The following GUCY2D variants were observed in gnomAD, a reference collection of about 807,000 sequenced individuals.
The protein encoded by GUCY2D is retinal guanylyl cyclase 1.
A neutral mutation model predicts 101.3 loss-of-function variants in GUCY2D; 70 were observed. That is an observed-to-expected ratio of 0.69 (90% confidence interval 0.57 to 0.84). GUCY2D has a LOEUF of 0.84. Ranked by LOEUF, GUCY2D falls within the 40% of genes least tolerant of loss-of-function variation. The pLI is 0.00. For missense variants in GUCY2D, 1,460 were observed against 1,542.5 expected (o/e 0.95, Z 0.90); for synonymous variants, 688 against 670.7 (o/e 1.03, Z -0.40).
intron 10 of GUCY2D, 106 bp downstream of exon 10, chr17:8,012,712 A>G: frequency 2.2e-6 from 2 of 890,498 alleles, no homozygotes; most frequent in South Asian, 1.4e-5. Flanking sequence ...TTCATCCCAC[A>G]TCCACCAGAC....
At position 8,013,097 on chromosome 17, in the gene GUCY2D, C is replaced by T. The variant is rs1194476197; in HGVS notation, c.2114-6C>T. 1.2e-6 allele frequency: 2 copies of T among 1,611,044 alleles called. No homozygotes were observed. Among genetic ancestry groups the T allele is most frequent in the African/African-American group, 1.3e-5 (1 of 74,856 alleles). ...AGCGGCGCCTCAGCCCCTTCCCCAT[C>T]CCCAGACCAGCTGTGGACAGCCCCG... On this transcript the variant is annotated splice_region_variant and splice_polypyrimidine_tract_variant and intron_variant, in intron 10 of 19. Coordinates refer to ENST00000254854, the MANE Select transcript of GUCY2D (RefSeq NM_000180.4). The surrounding 1 kb of genome is among the most constrained non-coding windows in gnomAD (Gnocchi z 5.0).
chr17:8,015,190 C>A, intron 14 of GUCY2D, 138 bp from the exon 15 acceptor site: 1 of 1,066,898 alleles, frequency 9.4e-7, no homozygotes, highest in Admixed American at 2.0e-5. Flanking sequence ...ATTTATTCCT[C>A]CAGTCCCCAG....
Position 8,014,761 on chromosome 17 carries a change from CT to C in GUCY2D, c.2574del (p.Pro859ArgfsTer7). 6.2e-7 allele frequency: 1 copy of C among 1,603,278 alleles called. No individual in the cohort carries two copies. Among genetic ancestry groups the C allele is most frequent in the South Asian group, 1.1e-5 (1 of 90,862 alleles). On this transcript the variant is annotated frameshift_variant and splice_region_variant, in exon 13 of 20. Coordinates refer to ENST00000254854, the MANE Select transcript of GUCY2D (RefSeq NM_000180.4). LOFTEE classifies it high-confidence loss of function. The surrounding 1 kb of genome is among the most constrained non-coding windows in gnomAD (Gnocchi z 4.0). ...GACCGGCTGCTTACACAGATGCTGC[CT>C]CCGTGGGTGCCAGTGGGAAGGGGTG... ...KTDRLLTQML[P>X]PSVAEALKTG...
rs1598150910 is a variant in GUCY2D, at chr17:8,015,152, A to G, written c.2769+101A>G. The G allele has an allele frequency of 6.1e-6, 7 of 1,153,596 alleles. No homozygotes were observed. In the African/African-American group the frequency reaches 6.1e-5, roughly 10 times the overall value. 71.5% of individuals were successfully genotyped at this position (1,153,596 alleles called of 1,614,324 possible). ...AGCCCCTAGCCTACCTGCCCAATCA[A>G]TCTTCTTTCCCAGACCTCCTGTCCC... On this transcript the variant is annotated intron_variant, in intron 14 of 19. Coordinates refer to ENST00000254854, the MANE Select transcript of GUCY2D (RefSeq NM_000180.4).
At chr17:8,012,387 G>T (rs777997008) in intron 9 of GUCY2D, 37 bp downstream of exon 9, 2 of 1,606,802 alleles carry the variant, frequency 1.2e-6, no homozygotes, top group Non-Finnish European at 1.7e-6. Flanking sequence ...CGTCCTGGGG[G>T]CAGGGATGGG....
chr17:8,008,521 G>GT (rs1415357006), intron 7 of GUCY2D, among the ~76,000 whole-genome samples: 2 of 152,234 alleles, frequency 1.3e-5, no homozygotes, highest in African/African-American at 4.8e-5. Context: ...ATGCGGTCAA[G>GT]TGGAGGGGAG....
Position 8,016,364 on chromosome 17 carries a change from G to A in GUCY2D, c.3224+74G>A. On this transcript the variant is annotated intron_variant, in intron 18 of 19. Transcript: ENST00000254854. Reference sequence around the variant, plus strand: ...TCCTGCTCTGTGTCTGACCCCCCGCGCGCGAGGCAGCGATGACGTGGGCCC... The same window carrying A: ...TCCTGCTCTGTGTCTGACCCCCCGCACGCGAGGCAGCGATGACGTGGGCCC... 5 of 1,430,090 alleles carry A rather than the reference G, an allele frequency of 3.5e-6. 1 individual carries two copies. In the South Asian group the frequency reaches 3.7e-5, roughly 10 times the overall value. The allele number at this position is 1,430,090 out of a possible 1,614,324, so 88.6% of individuals were successfully genotyped here.
Position 8,003,297 on chromosome 17 carries a change from C to G in GUCY2D, c.250C>G (p.Leu84Val). 1.3e-6 allele frequency: 2 copies of G among 1,490,686 alleles called. No homozygotes were observed. The highest frequency in any genetic ancestry group is 1.8e-6 in the Non-Finnish European group (2 of 1,126,620). 92.3% of individuals were successfully genotyped at this position (1,490,686 alleles called of 1,614,324 possible). A position where few individuals can be genotyped will look rare whatever the true frequency, so the allele number is the denominator to read the frequency against. ...DLAARLAAAR[L>V]NRDPGLAGGP... ...GGCCGCCCGCCTGGCCGCCGCCCGC[C>G]TGAACCGCGACCCCGGCCTGGCAGG... Residue 84 changes from leucine (L) to valine (V), a missense_variant, in exon 2 of 20, where the codon CTG becomes GTG. By Grantham distance (32) the Leu-to-Val change is conservative. Around this residue, in one of 3 missense-constraint regions of GUCY2D, gnomAD observed 1,196 missense variants for 1,229.6 expected, o/e 0.97. Transcript: ENST00000254854.
At position 8,002,719 on chromosome 17, in the gene GUCY2D, GC is replaced by G. The variant is rs33914314; in HGVS notation, c.-20del. ...CCCTCACCGGGGGCCGTGGGCCCGA[GC>G]CCCCGGACTTCCCTGTAAATGTCAG... On this transcript the variant is annotated 5_prime_UTR_variant, in exon 1 of 20. Coordinates refer to ENST00000254854, the MANE Select transcript of GUCY2D (RefSeq NM_000180.4). The surrounding 1 kb of genome is among the most constrained non-coding windows in gnomAD (Gnocchi z 4.9). The G allele has an allele frequency of 1, 294,966 of 294,968 alleles. 147,482 individuals carry two copies. Among genetic ancestry groups the G allele is most frequent in the Middle Eastern group, 1 (1,038 of 1,038 alleles). The allele number at this position is 294,968 out of a possible 1,614,324, so 18.3% of individuals were successfully genotyped here.
intron 14 of GUCY2D, 73 bp downstream of exon 14, chr17:8,015,124 C>T (rs1209494235): frequency 2.5e-5 from 33 of 1,335,916 alleles, no homozygotes; most frequent in Middle Eastern, 2.0e-4. Context: ...GCCCTTCCTG[C>T]GCAGCCCCTA....
Position 8,006,692 on chromosome 17 carries a change from T to G in GUCY2D, c.1356T>G (p.Asp452Glu). The change falls in exon 4 of 20, where the codon GAT (aspartate) becomes GAG (glutamate). Residue 452 changes from aspartate (D) to glutamate (E), a missense_variant. By Grantham distance (45) the Asp-to-Glu change is conservative. Transcript: ENST00000254854. ...APGPDPSCWF[D>E]PNNICGGGLE... is the part of the protein sequence containing the mutation. ...GACCTGACCCCTCGTGCTGGTTCGA[T>G]CCAAACAACATCTGCGGTGGAGGTG... is the stretch of plus-strand genomic sequence containing the variant. The G allele has an allele frequency of 6.2e-7, 1 of 1,609,452 alleles. No individual in the cohort carries two copies. The highest frequency in any genetic ancestry group is 8.5e-7 in the Non-Finnish European group (1 of 1,177,830).
intron 19 of GUCY2D, chr17:8,016,897 G>C (rs1182026981): frequency 4.4e-6 from 1 of 227,830 alleles, no homozygotes; most frequent in Non-Finnish European, 8.7e-6. Flanking sequence ...AGTCACCAGA[G>C]AACAATGTGA....
chr17:8,003,950 G>T lies in GUCY2D; in HGVS notation c.820G>T (p.Val274Phe). Reference sequence around the variant, plus strand: ...GCTGGGCCTGACCGATGGCTCCCTGGTCTTCCTGCCCTTCGACACGATCCA... The same window carrying T: ...GCTGGGCCTGACCGATGGCTCCCTGTTCTTCCTGCCCTTCGACACGATCCA... ...EELGLTDGSL[V>F]FLPFDTIHYA... The change falls in exon 3 of 20, where the codon GTC (valine) becomes TTC (phenylalanine). Residue 274 changes from valine to phenylalanine, a missense_variant. By Grantham distance (50) the Val-to-Phe change is conservative. Transcript: ENST00000254854. 1 of 1,613,742 alleles carries T rather than the reference G, an allele frequency of 6.2e-7. No individual in the cohort carries two copies. Among genetic ancestry groups the T allele is most frequent in the Non-Finnish European group, 8.5e-7 (1 of 1,179,908 alleles).
chr17:8,016,044 C>G, intron 17 of GUCY2D, 23 bp downstream of exon 17: 1 of 1,566,870 alleles, frequency 6.4e-7, no homozygotes. Context: ...CCCAACCCCT[C>G]CCGGAGGCCC....
Position 8,013,801 on chromosome 17 carries a change from C to A in GUCY2D, c.2264-79C>A. On this transcript the variant is annotated intron_variant, in intron 11 of 19. Transcript: ENST00000254854. The surrounding 1 kb of genome is among the most constrained non-coding windows in gnomAD (Gnocchi z 5.0). ...CAGGCACCCCCTCCCACATCTTGGT[C>A]TTCAACAGTCAGGCCAGGGTCAGAG... is the stretch of plus-strand genomic sequence containing the variant. The A allele has an allele frequency of 7.8e-7, 1 of 1,274,384 alleles. No homozygotes were observed. The highest frequency in any genetic ancestry group is 1.1e-6 in the Non-Finnish European group (1 of 877,218). 78.9% of individuals were successfully genotyped at this position (1,274,384 alleles called of 1,614,324 possible).
chr17:8,015,906 C>T, intron 16 of GUCY2D, 21 bp from the exon 17 acceptor site: 5 of 1,596,918 alleles, frequency 3.1e-6, no homozygotes, highest in Non-Finnish European at 3.4e-6. Flanking sequence ...CCCGAGCTCA[C>T]GGCGTCCCCC....
chr17:8,018,529 A>G (rs1013806495), intron 19 of GUCY2D, among the ~76,000 whole-genome samples: 5 of 152,164 alleles, frequency 3.3e-5, no homozygotes, highest in Admixed American at 1.3e-4. Flanking sequence ...TGGCCTATAG[A>G]GTGTTTTGTT....
At chr17:8,010,741 G>A (rs192007830) in intron 8 of GUCY2D, among the ~76,000 whole-genome samples, 3 of 150,630 alleles carry the variant, frequency 2.0e-5, no homozygotes, top group Admixed American at 6.6e-5. Context: ...CCCGGGAGGC[G>A]GAGCTTGCAG....
chr17:8,014,527 CCCATGAGGGG>C lies in GUCY2D; in HGVS notation c.2413-73_2413-64del, dbSNP rs1272246161. The C allele has an allele frequency of 1.4e-6, 2 of 1,384,744 alleles. No individual in the cohort carries two copies. The highest frequency in any genetic ancestry group is 2.8e-5 in the African/African-American group (2 of 70,352). 85.8% of individuals were successfully genotyped at this position (1,384,744 alleles called of 1,614,324 possible). ...CAGAGTGAACAGCCCCATGAGAGGG[CCCATGAGGGG>C]GGCATAAAGAGGGCATGGCAACCCA... On this transcript the variant is annotated intron_variant, in intron 12 of 19. Coordinates refer to ENST00000254854, the MANE Select transcript of GUCY2D (RefSeq NM_000180.4). The surrounding 1 kb of genome is among the most constrained non-coding windows in gnomAD (Gnocchi z 4.0).
Sources: gnomAD v4.1 joint callset for allele counts (sites outside exome capture counted in the v4.1 genomes callset) on GRCh38, gnomAD v4.1.1 for gene constraint, gnomAD v4.1.1 regional missense constraint, Gnocchi (gnomAD v3.1) non-coding constraint, MANE v1.5 for transcripts, NCBI Gene and HGNC (gene_info 2026-07-23, HGNC 2026-07-21) for gene names.